Variants in KDM4C observed in about 807,000 individuals in gnomAD.
KDM4C encodes the protein lysine-specific demethylase 4C.
In KDM4C, 81 loss-of-function variants were observed where a neutral mutation model predicts 129.3. The observed-to-expected ratio is 0.63, with a 90% confidence interval of 0.52 to 0.75. The LOEUF (loss-of-function observed/expected upper bound fraction) is 0.75. KDM4C is among the 30% of genes least tolerant of loss of function. The pLI is 0.00. For synonymous variants in KDM4C, 573 were observed against 456.1 expected (o/e 1.26, Z -3.26); for missense variants, 1,457 against 1,304.0 (o/e 1.12, Z -1.81).
At chr9:7,005,524 T>C (rs1266718502) in intron 12 of KDM4C, among the ~76,000 whole-genome samples, 2 of 149,742 alleles carry the variant, frequency 1.3e-5, no homozygotes, top group African/African-American at 5.1e-5. Context: ...TTTATTTAAC[T>C]AAAGGTAAGG....
chr9:6,767,517 CTCTGCCTCCCAGGTTCAAGCGATTCT>C (rs1234548687), intron 1 of KDM4C, among the ~76,000 whole-genome samples: 1 of 151,990 alleles, frequency 6.6e-6, no homozygotes, highest in Non-Finnish European at 1.5e-5. Context: ...TCACTGCAAC[CTCTGCCTCCCAGGTTCAAGCGATTCT>C]TCTGCCTCAG....
intron 5 of KDM4C, among the ~76,000 whole-genome samples, chr9:6,867,478 A>G (rs1842223136): frequency 6.6e-6 from 1 of 152,154 alleles, no homozygotes; most frequent in Non-Finnish European, 1.5e-5. Flanking sequence ...AGGTAAGATT[A>G]TTTTTTGTTG....
chr9:6,761,364 A>T (rs1043166838), intron 1 of KDM4C, among the ~76,000 whole-genome samples: 3 of 150,830 alleles, frequency 2.0e-5, no homozygotes, highest in Non-Finnish European at 4.4e-5. Flanking sequence ...GACAGGGTGT[A>T]ACTCTGATGC....
At chr9:6,769,490 T>A (rs1563962926) in intron 1 of KDM4C, among the ~76,000 whole-genome samples, 1 of 152,326 alleles carries the variant, frequency 6.6e-6, no homozygotes, top group African/African-American at 2.4e-5. Context: ...TTTCCATTTC[T>A]AAGTCTTGGT....
chr9:7,097,392 T>C (rs1836564213), intron 17 of KDM4C, among the ~76,000 whole-genome samples: 1 of 152,212 alleles, frequency 6.6e-6, no homozygotes, highest in Non-Finnish European at 1.5e-5. Flanking sequence ...GCCATCAGGT[T>C]GGAACTCATC....
intron 17 of KDM4C, among the ~76,000 whole-genome samples, chr9:7,055,071 G>A (rs561477976): frequency 3.3e-4 from 50 of 152,160 alleles, no homozygotes; most frequent in Non-Finnish European, 6.5e-4. Context: ...CCAGCTGCTC[G>A]GGAGCCTATC....
chr9:7,110,352 A>G (rs140087494), intron 18 of KDM4C, among the ~76,000 whole-genome samples: 232 of 152,356 alleles, frequency 1.5e-3, no homozygotes, highest in African/African-American at 5.2e-3. Flanking sequence ...GCAGATAAAT[A>G]GCATTTTTTT....
rs191990693 is a variant in KDM4C, at chr9:6,758,622, C to G, written c.-18+419C>G. ...GGGGCCCTCCCTTCCCTGGGAGTGT[C>G]ACGACCCGCGGGGTGAGGGTGGGAG... On this transcript the variant is annotated intron_variant, in intron 1 of 21. Transcript: ENST00000381309. This position sits in a 1 kb window ranked among gnomAD's most constrained non-coding sequence, Gnocchi z 4.6. 2.6e-5 allele frequency among the ~76,000 whole-genome samples: 4 copies of G among 152,262 alleles called. No individual in the cohort carries two copies. Among genetic ancestry groups the G allele is most frequent in the African/African-American group, 7.2e-5 (3 of 41,556 alleles).
intron 4 of KDM4C, among the ~76,000 whole-genome samples, chr9:6,841,620 C>T (rs941950667): frequency 1.3e-5 from 2 of 152,172 alleles, no homozygotes; most frequent in Admixed American, 6.5e-5. Flanking sequence ...AGAACATCTT[C>T]ACGTTTTGTG....
At chr9:6,843,560 C>T (rs1837351192) in intron 4 of KDM4C, among the ~76,000 whole-genome samples, 1 of 152,138 alleles carries the variant, frequency 6.6e-6, no homozygotes, top group South Asian at 2.1e-4. Flanking sequence ...TAGCCACAGT[C>T]TTCTTGTGGC....
intron 20 of KDM4C, among the ~76,000 whole-genome samples, chr9:7,166,432 C>T (rs1587962259): frequency 8.7e-6 from 1 of 114,668 alleles, no homozygotes; most frequent in South Asian, 2.9e-4. Flanking sequence ...AGGATGTATA[C>T]ACATACATTG....
intron 8 of KDM4C, among the ~76,000 whole-genome samples, chr9:6,969,226 G>A (rs1366767089): frequency 1.3e-5 from 2 of 152,136 alleles, no homozygotes; most frequent in Non-Finnish European, 1.5e-5. Flanking sequence ...TTGAGCCACC[G>A]TGCTCGGCCT....
intron 19 of KDM4C, among the ~76,000 whole-genome samples, chr9:7,129,350 A>AG (rs1840369702): frequency 6.6e-6 from 1 of 152,220 alleles, no homozygotes. Context: ...AAGTATATAA[A>AG]CAAAAGTGAC....
chr9:7,161,546 T>C (rs985305804), intron 19 of KDM4C, among the ~76,000 whole-genome samples: 2 of 152,194 alleles, frequency 1.3e-5, no homozygotes, highest in South Asian at 4.1e-4. Flanking sequence ...ATCAAAGTTC[T>C]ACTCTGAAGC....
At chr9:6,811,670 T>A (rs1831172906) in intron 3 of KDM4C, among the ~76,000 whole-genome samples, 1 of 152,212 alleles carries the variant, frequency 6.6e-6, no homozygotes, top group African/African-American at 2.4e-5. Flanking sequence ...CATAATTATC[T>A]GATGGAGCCC....
chr9:6,886,660 T>G (rs1845322694), intron 6 of KDM4C, among the ~76,000 whole-genome samples: 1 of 151,938 alleles, frequency 6.6e-6, no homozygotes, highest in Non-Finnish European at 1.5e-5. Flanking sequence ...CCTCGCTAAT[T>G]TTTTTGTATT....
intron 18 of KDM4C, among the ~76,000 whole-genome samples, chr9:7,110,100 T>C (rs546896750): frequency 2.6e-5 from 4 of 152,226 alleles, no homozygotes; most frequent in Non-Finnish European, 5.9e-5. Flanking sequence ...AGCATGAGAA[T>C]GGACTAATCC....
At chr9:7,059,272 T>A (rs1019260839) in intron 17 of KDM4C, among the ~76,000 whole-genome samples, 8 of 152,110 alleles carry the variant, frequency 5.3e-5, no homozygotes, top group African/African-American at 1.9e-4. Context: ...ACCTCATTTT[T>A]AAATTTTTTT....
chr9:6,848,110 T>C (rs1004820566), intron 4 of KDM4C, among the ~76,000 whole-genome samples: 1 of 151,696 alleles, frequency 6.6e-6, no homozygotes, highest in Non-Finnish European at 1.5e-5. Context: ...CCCAGGCTGG[T>C]CTTGAGCTCC....
Sources: allele counts gnomAD v4.1 joint callset (sites outside exome capture counted in the v4.1 genomes callset), GRCh38; gene constraint gnomAD v4.1.1; non-coding constraint Gnocchi (gnomAD v3.1); transcripts MANE v1.5; gene names NCBI Gene and HGNC (gene_info 2026-07-23, HGNC 2026-07-21).